Variants in PDE12 observed in about 807,000 individuals in gnomAD.
PDE12 encodes phosphodiesterase 12.
PDE12 carries 26 observed loss-of-function variants against 45.4 expected under a neutral mutation model. That is an observed-to-expected ratio of 0.57 (90% CI 0.42 to 0.79). PDE12 has a LOEUF of 0.79. Among genes scored for constraint, PDE12 ranks in the 30% least tolerant of loss-of-function variants. The pLI is 0.00. For synonymous variants in PDE12, 283 were observed against 323.9 expected (o/e 0.87, Z 1.36); for missense variants, 668 against 790.0 (o/e 0.85, Z 1.85).
chr3:57,598,522 C>T, the PDE12 span, among the ~76,000 whole-genome samples: 1 of 152,226 alleles, frequency 6.6e-6, no homozygotes, highest in Non-Finnish European at 1.5e-5. Context: ...TGGCTCATGC[C>T]TGTAATCCCA....
At chr3:57,646,179 T>A in the PDE12 span, 1 of 1,243,396 alleles carries the variant, frequency 8.0e-7, no homozygotes, top group Non-Finnish European at 1.1e-6. Flanking sequence ...TACCTTCTGA[T>A]AGGGTTTTTG....
the PDE12 span, among the ~76,000 whole-genome samples, chr3:57,574,408 A>ATTTT: frequency 4.8e-5 from 7 of 145,260 alleles, no homozygotes; most frequent in African/African-American, 1.0e-4. Flanking sequence ...AGAAGTACAA[A>ATTTT]TTTTTTTTTT....
chr3:57,561,106 T>G lies in PDE12; in HGVS notation c.*1102T>G. 1 of 984,496 alleles carries G rather than the reference T, an allele frequency of 1.0e-6. No homozygotes were observed. Among genetic ancestry groups the G allele is most frequent in the Non-Finnish European group, 1.2e-6 (1 of 828,708 alleles). 61.0% of individuals were successfully genotyped at this position (984,496 alleles called of 1,614,324 possible). A position where few individuals can be genotyped will look rare whatever the true frequency, so the allele number is the denominator to read the frequency against. On this transcript the variant is annotated 3_prime_UTR_variant, in exon 3 of 3. Transcript: ENST00000311180. ...AGCACAATTTAGTATTCAAAGTGAG[T>G]AGCAACATATTCAACTTGATCCCAT...
At chr3:57,643,019 A>C in the PDE12 span, among the ~76,000 whole-genome samples, 1 of 148,648 alleles carries the variant, frequency 6.7e-6, no homozygotes, top group African/African-American at 2.5e-5. Context: ...AAAAAAAAAA[A>C]AAAGAAAGAT....
chr3:57,642,924 T>G, the PDE12 span, among the ~76,000 whole-genome samples: 1 of 150,542 alleles, frequency 6.6e-6, no homozygotes, highest in East Asian at 2.0e-4. Flanking sequence ...GAGAATCACT[T>G]GAACCCAGGA....
the PDE12 span, among the ~76,000 whole-genome samples, chr3:57,573,219 A>G: frequency 4.0e-5 from 6 of 151,776 alleles, no homozygotes; most frequent in African/African-American, 7.3e-5. Context: ...AAAAAAAGAA[A>G]GAAAGAAAGA....
At chr3:57,580,949 A>C in the PDE12 span, among the ~76,000 whole-genome samples, 1 of 152,066 alleles carries the variant, frequency 6.6e-6, no homozygotes, top group Non-Finnish European at 1.5e-5. Context: ...TCAGTCCCAA[A>C]GTGACATTAT....
the PDE12 span, among the ~76,000 whole-genome samples, chr3:57,635,708 T>C: frequency 1.4e-4 from 21 of 152,340 alleles, no homozygotes; most frequent in Middle Eastern, 3.4e-3. Context: ...TGCAATCTTA[T>C]ATTGCTAAAA....
the PDE12 span, among the ~76,000 whole-genome samples, chr3:57,647,870 C>T: frequency 2.0e-5 from 3 of 150,966 alleles, no homozygotes; most frequent in Non-Finnish European, 2.9e-5. Flanking sequence ...GGTGGGGGGT[C>T]AATCCAACAA....
chr3:57,598,900 T>C, the PDE12 span, among the ~76,000 whole-genome samples: 1 of 152,228 alleles, frequency 6.6e-6, no homozygotes, highest in African/African-American at 2.4e-5. Context: ...AATTGCATTT[T>C]GGAAGCTTGC....
At chr3:57,577,986 G>C in the PDE12 span, among the ~76,000 whole-genome samples, 1 of 147,278 alleles carries the variant, frequency 6.8e-6, no homozygotes. Context: ...CCGAGACGGA[G>C]GTTGCAGGGA....
chr3:57,630,512 T>G, the PDE12 span: 4 of 1,588,310 alleles, frequency 2.5e-6, no homozygotes, highest in Non-Finnish European at 3.4e-6. Context: ...ATTTGGAGAC[T>G]TTAGGAAATG....
the PDE12 span, among the ~76,000 whole-genome samples, chr3:57,615,457 A>T: frequency 1.3e-5 from 2 of 152,120 alleles, no homozygotes; most frequent in South Asian, 2.1e-4. Flanking sequence ...TTGAGTAACT[A>T]AAAAAAGAGA....
chr3:57,599,507 C>T, the PDE12 span, among the ~76,000 whole-genome samples: 39 of 152,286 alleles, frequency 2.6e-4, 1 homozygote, highest in South Asian at 8.1e-3. Context: ...AAAAGACAAA[C>T]CGTATGAGCC....
the PDE12 span, among the ~76,000 whole-genome samples, chr3:57,609,629 T>C: frequency 6.6e-6 from 1 of 151,714 alleles, no homozygotes; most frequent in African/African-American, 2.4e-5. Context: ...AACTAGAAAA[T>C]CTAGAAGAAA....
At chr3:57,581,668 C>T in the PDE12 span, among the ~76,000 whole-genome samples, 3 of 152,072 alleles carry the variant, frequency 2.0e-5, no homozygotes, top group Non-Finnish European at 4.4e-5. Context: ...GGTGTGGTGG[C>T]GCATGCCTGA....
the PDE12 span, chr3:57,577,284 T>C: frequency 6.4e-7 from 1 of 1,574,672 alleles, no homozygotes. Context: ...AAGCACACCT[T>C]GAAAATGATG....
the PDE12 span, chr3:57,646,336 C>T: frequency 6.2e-7 from 1 of 1,613,748 alleles, no homozygotes; most frequent in Non-Finnish European, 8.5e-7. Flanking sequence ...CCAATACAGT[C>T]TCTGATGATT....
At chr3:57,575,954 AC>A in the PDE12 span, among the ~76,000 whole-genome samples, 4,010 of 152,236 alleles carry the variant, frequency 0.026, 174 homozygotes, top group African/African-American at 0.091. Context: ...CTTCATGATT[AC>A]CCATTGTCAG....
Sources: gnomAD v4.1 joint callset for allele counts (sites outside exome capture counted in the v4.1 genomes callset) on GRCh38, gnomAD v4.1.1 for gene constraint, MANE v1.5 for transcripts, NCBI Gene and HGNC (gene_info 2026-07-23, HGNC 2026-07-21) for gene names.